The following FBN1 variants were observed in gnomAD, a reference collection of about 807,000 sequenced individuals.
The protein encoded by FBN1 is fibrillin 1.
Under a neutral mutation model 365.1 loss-of-function variants are expected in FBN1, and 29 were observed. The observed-to-expected ratio is 0.08, with a 90% confidence interval of 0.06 to 0.11. The LOEUF (loss-of-function observed/expected upper bound fraction) is 0.11, where lower values mean the gene tolerates loss of function less well. Among genes scored for constraint, FBN1 ranks in the 10% least tolerant of loss-of-function variants. The probability of loss-of-function intolerance (pLI) is 1.00; values close to 1 mark genes in which losing one functional copy is unlikely to be tolerated. For missense variants in FBN1, 2,476 were observed against 3,703.2 expected, an observed-to-expected ratio of 0.67 and a Z score of 8.60; for synonymous variants, 1,210 against 1,270.5, an observed-to-expected ratio of 0.95 and a Z score of 1.01.
intron 22 of FBN1, 37 bp downstream of exon 22, chr15:48,495,086 G>A (rs1236070800): frequency 6.2e-7 from 1 of 1,613,158 alleles, no homozygotes; most frequent in Non-Finnish European, 8.5e-7. Context: ...AAAGACCATT[G>A]GAGTGGTATA....
chr15:48,553,186 G>C (rs2044156018), intron 6 of FBN1, among the ~76,000 whole-genome samples: 1 of 151,934 alleles, frequency 6.6e-6, no homozygotes, highest in Non-Finnish European at 1.5e-5. Context: ...TTAAATAATT[G>C]AGATATTTTG....
Position 48,410,835 on chromosome 15 carries a change from AC to A in FBN1, c.*154del. On this transcript the variant is annotated 3_prime_UTR_variant, in exon 66 of 66. Coordinates refer to ENST00000316623, the MANE Select transcript of FBN1 (RefSeq NM_000138.5). ...GTTTTGAACTAGGGTAGTCACCTGT[AC>A]CTTGCTTTGGTAATACAAAGAATAG... 1.3e-6 allele frequency: 1 copy of A among 748,186 alleles called. No individual in the cohort carries two copies. The highest frequency in any genetic ancestry group is 1.8e-5 in the African/African-American group (1 of 56,632). 46.3% of individuals were successfully genotyped at this position (748,186 alleles called of 1,614,324 possible). A position where few individuals can be genotyped will look rare whatever the true frequency, so the allele number is the denominator to read the frequency against.
chr15:48,539,418 T>C (rs572784271), intron 6 of FBN1, among the ~76,000 whole-genome samples: 17 of 152,140 alleles, frequency 1.1e-4, no homozygotes, highest in Admixed American at 3.9e-4. Flanking sequence ...AGTCCCCAGT[T>C]CCCCAGCTCC....
chr15:48,526,281 G>A lies in FBN1; in HGVS notation c.863-26C>T, dbSNP rs1433501467. On this transcript the variant is annotated intron_variant, in intron 8 of 65. Coordinates refer to ENST00000316623, the MANE Select transcript of FBN1 (RefSeq NM_000138.5). ...CTGGAATATAAAAAAAAGAATCTCA[G>A]CATTTGTAGAACACAATATAAAACC... The A allele has an allele frequency of 5.0e-6, 8 of 1,613,212 alleles. No homozygotes were observed. The highest frequency in any genetic ancestry group is 6.8e-6 in the Non-Finnish European group (8 of 1,179,516).
chr15:48,505,277 C>T lies in FBN1; in HGVS notation c.1838-130G>A, dbSNP rs914000107. 10 of 1,062,188 alleles carry T rather than the reference C, an allele frequency of 9.4e-6. No homozygotes were observed. In the Admixed American group the frequency reaches 1.5e-4, roughly 16 times the overall value. 65.8% of individuals were successfully genotyped at this position (1,062,188 alleles called of 1,614,324 possible). A position where few individuals can be genotyped will look rare whatever the true frequency, so the allele number is the denominator to read the frequency against. ...TAATATGCAGCATCAGCAACAAAAG[C>T]TCAAATGGCATTCTCATTTTCCTTT... On this transcript the variant is annotated intron_variant, in intron 15 of 65. Transcript: ENST00000316623.
intron 4 of FBN1, among the ~76,000 whole-genome samples, chr15:48,600,629 G>T (rs1014934098): frequency 3.3e-5 from 5 of 152,056 alleles, no homozygotes; most frequent in African/African-American, 1.2e-4. Context: ...GCTTGAACCT[G>T]GGGGGGCAGA....
At chr15:48,466,005 C>T (rs1352161440) in intron 38 of FBN1, 147 bp from the exon 39 acceptor site, 15 of 698,046 alleles carry the variant, frequency 2.1e-5, no homozygotes, top group Non-Finnish European at 3.6e-5. Context: ...AGTAAGTTAA[C>T]ACCTTTGTGT....
intron 6 of FBN1, among the ~76,000 whole-genome samples, chr15:48,544,666 CT>C (rs1364717683): frequency 1.3e-5 from 2 of 152,216 alleles, no homozygotes; most frequent in African/African-American, 2.4e-5. Flanking sequence ...AGCAATTCAA[CT>C]GCAGCAAATT....
At chr15:48,432,178 A>G (rs2043027567) in intron 55 of FBN1, among the ~76,000 whole-genome samples, 1 of 152,212 alleles carries the variant, frequency 6.6e-6, no homozygotes, top group East Asian at 1.9e-4. Flanking sequence ...AGAAATTTGA[A>G]ATTTATTCTG....
intron 32 of FBN1, chr15:48,476,774 CTTTTTT>C (rs34020705): frequency 6.2e-5 from 4 of 64,618 alleles, no homozygotes; most frequent in Non-Finnish European, 8.6e-5. Flanking sequence ...CCACGCCTGG[CTTTTTT>C]TTTTTTTTTT....
intron 45 of FBN1, among the ~76,000 whole-genome samples, chr15:48,450,177 C>A: frequency 6.6e-6 from 1 of 152,180 alleles, no homozygotes; most frequent in Non-Finnish European, 1.5e-5. Flanking sequence ...GATTTCCGAT[C>A]TTGAGGAAGG....
intron 6 of FBN1, among the ~76,000 whole-genome samples, chr15:48,538,108 C>T (rs2044028825): frequency 6.6e-6 from 1 of 152,184 alleles, no homozygotes. Context: ...ACAAATGTAA[C>T]ATGGTAATAT....
At chr15:48,619,251 A>G (rs1889720249) in intron 2 of FBN1, among the ~76,000 whole-genome samples, 1 of 152,154 alleles carries the variant, frequency 6.6e-6, no homozygotes, top group African/African-American at 2.4e-5. Flanking sequence ...GATGCAAGCC[A>G]GCCAACCACT....
At chr15:48,589,798 T>C (rs1297586636) in intron 6 of FBN1, among the ~76,000 whole-genome samples, 1 of 151,766 alleles carries the variant, frequency 6.6e-6, no homozygotes, top group East Asian at 1.9e-4. Flanking sequence ...TTTCTATTTG[T>C]AGTAGAGACA....
Position 48,415,624 on chromosome 15 carries a change from C to T in FBN1, c.7963G>A (p.Ala2655Thr), listed in dbSNP as rs956993835. The stretch of plus-strand genomic sequence containing the variant: ...CAGCCATAGCTGCAGGGGGCCTGCG[C>T]AGAGCCACATTCATTGATGTCTTGG... ...GCQDINECGS[A>T]QAPCSYGCSN... Residue 2655 changes from alanine (A) to threonine (T), a missense_variant, in exon 64 of 66, where the codon GCG becomes ACG. Transcript: ENST00000316623. 4 of 1,614,142 alleles carry T rather than the reference C, an allele frequency of 2.5e-6. No homozygotes were observed. Among genetic ancestry groups the T allele is most frequent in the East Asian group, 2.2e-5 (1 of 44,902 alleles).
intron 8 of FBN1, among the ~76,000 whole-genome samples, chr15:48,530,490 G>C (rs2043960857): frequency 6.6e-6 from 1 of 152,098 alleles, no homozygotes; most frequent in Admixed American, 6.5e-5. Context: ...TTAGGGACTT[G>C]ACCACGGGGC....
intron 6 of FBN1, among the ~76,000 whole-genome samples, chr15:48,550,961 TTATG>T (rs959099787): frequency 4.9e-5 from 7 of 141,646 alleles, no homozygotes; most frequent in African/African-American, 7.7e-5. Flanking sequence ...ACTCAAGTAT[TTATG>T]AATGAATGAA....
intron 27 of FBN1, 98 bp from the exon 28 acceptor site, chr15:48,487,535 C>A (rs1442822653): frequency 6.5e-7 from 1 of 1,528,800 alleles, no homozygotes; most frequent in East Asian, 2.3e-5. Flanking sequence ...CCATCTTGAC[C>A]TCCTTGTCTC....
At chr15:48,454,191 G>A (rs1363908701) in intron 44 of FBN1, among the ~76,000 whole-genome samples, 1 of 152,186 alleles carries the variant, frequency 6.6e-6, no homozygotes, top group Admixed American at 6.5e-5. Flanking sequence ...TGGCCTGAGA[G>A]TCTGAATTTC....
Sources: allele counts gnomAD v4.1 joint callset (sites outside exome capture counted in the v4.1 genomes callset), GRCh38; gene constraint gnomAD v4.1.1; transcripts MANE v1.5; gene names NCBI Gene and HGNC (gene_info 2026-07-23, HGNC 2026-07-21).